The following SCARB1 variants were observed in gnomAD, a reference collection of about 807,000 sequenced individuals.
SCARB1 encodes scavenger receptor class B member 1.
Under a neutral mutation model 57.2 loss-of-function variants are expected in SCARB1, and 30 were observed. The observed-to-expected ratio is 0.52, with a 90% confidence interval of 0.39 to 0.71. The LOEUF is 0.71. SCARB1 is among the 30% of genes least tolerant of loss of function. The pLI is 0.00. For synonymous variants in SCARB1, 249 were observed against 268.3 expected (o/e 0.93, Z 0.70); for missense variants, 543 against 671.2 (o/e 0.81, Z 2.11).
chr12:124,862,662 T>C (rs971410625), intron 1 of SCARB1, among the ~76,000 whole-genome samples: 1 of 146,102 alleles, frequency 6.8e-6, no homozygotes, highest in Non-Finnish European at 1.5e-5. Context: ...TGAGCCCCAG[T>C]TTCCCCTCCC....
At chr12:124,837,538 GA>G (rs71092228) in intron 1 of SCARB1, among the ~76,000 whole-genome samples, 48,961 of 88,580 alleles carry the variant, frequency 0.55, 10,310 homozygotes, top group East Asian at 0.63. Flanking sequence ...GAAAAAGAAA[GA>G]AAAGAAAAGA....
rs1319970504 is a variant in SCARB1, at chr12:124,810,878, G to A, written c.727-589C>T. ...ACAATGAATGTGAACTCCATCTATC[G>A]TGAATGGCTACTGCCAGTTGCAGAT... is the stretch of plus-strand genomic sequence containing the variant. On this transcript the variant is annotated intron_variant, in intron 5 of 12. Coordinates refer to ENST00000261693, the MANE Select transcript of SCARB1 (RefSeq NM_005505.5). This position sits in a 1 kb window ranked among gnomAD's most constrained non-coding sequence, Gnocchi z 4.0. 2.0e-5 allele frequency among the ~76,000 whole-genome samples: 3 copies of A among 152,218 alleles called. No homozygotes were observed. The highest frequency in any genetic ancestry group is 2.4e-5 in the African/African-American group (1 of 41,458).
intron 1 of SCARB1, among the ~76,000 whole-genome samples, chr12:124,832,657 A>G (rs926069853): frequency 6.6e-6 from 1 of 152,202 alleles, no homozygotes; most frequent in Non-Finnish European, 1.5e-5. Context: ...TGTGCACCCC[A>G]TATTTATACT....
chr12:124,782,710 G>T lies in SCARB1; in HGVS notation c.1503C>A (p.Gly501=), dbSNP rs141545424. The part of the protein sequence containing the change: ...SESLMTSAPK[G]SVLQEAKL ...ACAGTTTTGCTTCCTGCAGCACAGA[G>T]CCCTTGGGAGCTGATGTCATCAGGG... The change falls in exon 12 of 13, where the codon GGC becomes GGA. Residue 501 remains glycine (G), a synonymous_variant. Coordinates refer to ENST00000261693, the MANE Select transcript of SCARB1 (RefSeq NM_005505.5). 1.0e-4 allele frequency: 162 copies of T among 1,614,120 alleles called. No homozygotes were observed. In the African/African-American group the frequency reaches 2.0e-3, roughly 20 times the overall value.
intron 1 of SCARB1, among the ~76,000 whole-genome samples, chr12:124,858,784 C>T (rs1952751035): frequency 6.6e-6 from 1 of 151,560 alleles, no homozygotes; most frequent in Admixed American, 6.6e-5. Context: ...GAGGCTGAGG[C>T]AGGAGAATGG....
intron 7 of SCARB1, among the ~76,000 whole-genome samples, chr12:124,803,395 C>A (rs949846009): frequency 6.6e-6 from 1 of 151,980 alleles, no homozygotes; most frequent in Non-Finnish European, 1.5e-5. Flanking sequence ...TATGGTGAGA[C>A]CCCGTCTCTT....
intron 7 of SCARB1, among the ~76,000 whole-genome samples, chr12:124,803,265 T>C (rs954830838): frequency 3.9e-5 from 6 of 152,158 alleles, no homozygotes; most frequent in South Asian, 2.1e-4. Flanking sequence ...ACGGGGTGCG[T>C]TGACTTTGTG....
rs371778051 is a variant in SCARB1 at position 124,814,358 on chromosome 12, G to C, written c.474C>G (p.Ile158Met). Reference protein sequence around the residue: ...MENKPMTLKLIMTLAFTTLGE... With the variant: ...MENKPMTLKLMMTLAFTTLGE... The stretch of plus-strand genomic sequence containing the variant: ...CGAGGGTGGTGAATGCCAAGGTCAT[G>C]ATGAGCTTCAGGGTCATGGGCTTAT... The change falls in exon 4 of 13, where the codon ATC (isoleucine) becomes ATG (methionine). Residue 158 changes from isoleucine to methionine, a missense_variant. Transcript: ENST00000261693. The surrounding 1 kb of genome is among the most constrained non-coding windows in gnomAD (Gnocchi z 4.7). 66 of 1,614,018 alleles carry C rather than the reference G, an allele frequency of 4.1e-5. 1 individual carries two copies. In the Middle Eastern group the frequency reaches 6.6e-4, roughly 16 times the overall value.
intron 1 of SCARB1, among the ~76,000 whole-genome samples, chr12:124,832,910 G>C (rs985485799): frequency 2.6e-5 from 4 of 151,924 alleles, no homozygotes; most frequent in African/African-American, 9.7e-5. Context: ...TACAGTTCTC[G>C]GGGGGAGAAG....
At position 124,807,820 on chromosome 12, in the gene SCARB1, TTGGG is replaced by T; in HGVS notation, c.946_949del (p.Pro316ThrfsTer42). The T allele has an allele frequency of 1.9e-6, 3 of 1,614,132 alleles. No homozygotes were observed. Among genetic ancestry groups the T allele is most frequent in the Non-Finnish European group, 2.5e-6 (3 of 1,180,022 alleles). ...CTCCAGGCACGGGCAGAAGCCTTCGTTGGGTGGGTAGATGGACCCGTTGGCAAAC... is the reference window on the plus strand; with the variant it reads ...CTCCAGGCACGGGCAGAAGCCTTCGTTGGGTAGATGGACCCGTTGGCAAAC... On this transcript the variant is annotated frameshift_variant, in exon 7 of 13. Transcript: ENST00000261693. LOFTEE classifies it high-confidence loss of function. The surrounding 1 kb of genome is among the most constrained non-coding windows in gnomAD (Gnocchi z 5.3).
At position 124,800,543 on chromosome 12, in the gene SCARB1, T is replaced by C. The variant is rs1479086197; in HGVS notation, c.1010-301A>G. ...GGATGCCCGGGAAGCGCATTCCAGG[T>C]GGAAGGGAAGGCAGAAGCAAGCGTG... is the stretch of plus-strand genomic sequence containing the variant. On this transcript the variant is annotated intron_variant, in intron 7 of 12. Coordinates refer to ENST00000261693, the MANE Select transcript of SCARB1 (RefSeq NM_005505.5). The surrounding 1 kb of genome is among the most constrained non-coding windows in gnomAD (Gnocchi z 4.8). Among the ~76,000 whole-genome samples, 1 of 151,214 alleles carries C rather than the reference T, an allele frequency of 6.6e-6. No individual in the cohort carries two copies. The highest frequency in any genetic ancestry group is 1.9e-4 in the East Asian group (1 of 5,136).
At chr12:124,849,254 A>G (rs984167006) in intron 1 of SCARB1, among the ~76,000 whole-genome samples, 2 of 152,148 alleles carry the variant, frequency 1.3e-5, no homozygotes, top group Non-Finnish European at 2.9e-5. Context: ...ACTGCAGGGT[A>G]AACCCAGTGG....
intron 1 of SCARB1, among the ~76,000 whole-genome samples, chr12:124,832,520 A>C (rs550280105): frequency 0.043 from 1,515 of 34,868 alleles, 22 homozygotes; most frequent in South Asian, 0.2. Context: ...ACTTGGTCTC[A>C]AAAAAAAAAA....
At chr12:124,844,223 A>G (rs1952038498) in intron 1 of SCARB1, among the ~76,000 whole-genome samples, 1 of 152,184 alleles carries the variant, frequency 6.6e-6, no homozygotes, top group South Asian at 2.1e-4. Context: ...TGATACACAC[A>G]TAGGAACACG....
At position 124,778,572 on chromosome 12, in the gene SCARB1, G is replaced by T; in HGVS notation, c.*15C>A. The T allele has an allele frequency of 2.1e-6, 3 of 1,397,638 alleles. No homozygotes were observed. The highest frequency in any genetic ancestry group is 1.9e-6 in the Non-Finnish European group (2 of 1,075,940). The allele number at this position is 1,397,638 out of a possible 1,614,324, so 86.6% of individuals were successfully genotyped here. A position where few individuals can be genotyped will look rare whatever the true frequency, so the allele number is the denominator to read the frequency against. On this transcript the variant is annotated 3_prime_UTR_variant, in exon 13 of 13. Coordinates refer to ENST00000261693, the MANE Select transcript of SCARB1 (RefSeq NM_005505.5). ...CAGCGGCCAGGCCTGGCTGGCTCAC[G>T]GTGTCCTCAGGACCCTGTGGAGAAA...
At chr12:124,805,705 T>C (rs1950297704) in intron 7 of SCARB1, among the ~76,000 whole-genome samples, 1 of 149,740 alleles carries the variant, frequency 6.7e-6, no homozygotes, top group Non-Finnish European at 1.5e-5. Flanking sequence ...ACTACAGGCA[T>C]GCACCACCAT....
Position 124,814,755 on chromosome 12 carries a change from T to C in SCARB1, c.426+218A>G, listed in dbSNP as rs1950639678. On this transcript the variant is annotated intron_variant, in intron 3 of 12. Transcript: ENST00000261693. The surrounding 1 kb of genome is among the most constrained non-coding windows in gnomAD (Gnocchi z 4.7). ...ATTGAAAAGGGAAAAAAAAGTACTT[T>C]GGCCAGGACTTCCAAACCAAGACAG... is the stretch of plus-strand genomic sequence containing the variant. Among the ~76,000 whole-genome samples the C allele has an allele frequency of 1.3e-5, 2 of 152,138 alleles. No homozygotes were observed. The highest frequency in any genetic ancestry group is 4.8e-5 in the African/African-American group (2 of 41,436).
At chr12:124,813,256 C>T (rs1009128502) in intron 4 of SCARB1, among the ~76,000 whole-genome samples, 1 of 152,186 alleles carries the variant, frequency 6.6e-6, no homozygotes, top group African/African-American at 2.4e-5. Context: ...GTTTTACCCC[C>T]AGTTCCTCCA....
At position 124,814,856 on chromosome 12, in the gene SCARB1, G is replaced by C. The variant is rs58710319; in HGVS notation, c.426+117C>G. On this transcript the variant is annotated intron_variant, in intron 3 of 12. Coordinates refer to ENST00000261693, the MANE Select transcript of SCARB1 (RefSeq NM_005505.5). The surrounding 1 kb of genome is among the most constrained non-coding windows in gnomAD (Gnocchi z 4.7). ...CAGGGCCGAAAGCCACCCACCAGGC[G>C]TGAGTCCCCACGCTCCGACCACCTC... 66 of 1,349,592 alleles carry C rather than the reference G, an allele frequency of 4.9e-5. No homozygotes were observed. The Middle Eastern group carries it at 8.0e-4, about 16-fold the overall frequency. 83.6% of individuals were successfully genotyped at this position (1,349,592 alleles called of 1,614,324 possible).
Sources: gnomAD v4.1 joint callset for allele counts (sites outside exome capture counted in the v4.1 genomes callset) on GRCh38, gnomAD v4.1.1 for gene constraint, Gnocchi (gnomAD v3.1) non-coding constraint, MANE v1.5 for transcripts, NCBI Gene and HGNC (gene_info 2026-07-23, HGNC 2026-07-21) for gene names.